The following NR6A1 variants were observed in gnomAD, a reference collection of about 807,000 sequenced individuals.
The protein encoded by NR6A1 is nuclear receptor subfamily 6 group A member 1.
Under a neutral mutation model 59.1 loss-of-function variants are expected in NR6A1, and 7 were observed. That is an observed-to-expected ratio of 0.12 (90% confidence interval 0.07 to 0.22). The LOEUF is 0.22. NR6A1 is among the 10% of genes least tolerant of loss of function. NR6A1 has a pLI of 1.00. For missense variants in NR6A1, 468 were observed against 611.6 expected, an observed-to-expected ratio of 0.77 and a Z score of 2.48; for synonymous variants, 243 against 236.1, an observed-to-expected ratio of 1.03 and a Z score of -0.27.
intron 2 of NR6A1, among the ~76,000 whole-genome samples, chr9:124,586,594 C>T (rs1053612180): frequency 2.0e-5 from 3 of 152,022 alleles, no homozygotes; most frequent in East Asian, 1.9e-4. Context: ...TACAGGCATG[C>T]GCCACCATGC....
chr9:124,540,307 TC>T, intron 4 of NR6A1, 120 bp from the exon 5 acceptor site: 1 of 1,083,468 alleles, frequency 9.2e-7, no homozygotes, highest in Non-Finnish European at 1.3e-6. Flanking sequence ...CTCTCCTCCA[TC>T]CCCATATTCC....
chr9:124,626,858 C>T (rs1162125941), intron 2 of NR6A1, among the ~76,000 whole-genome samples: 5 of 152,100 alleles, frequency 3.3e-5, no homozygotes, highest in African/African-American at 9.7e-5. Context: ...CGCTTGAACC[C>T]GGGAGGTGGA....
At chr9:124,632,451 C>A (rs1252093503) in intron 2 of NR6A1, among the ~76,000 whole-genome samples, 1 of 152,194 alleles carries the variant, frequency 6.6e-6, no homozygotes, top group Admixed American at 6.5e-5. Context: ...TGCTTCTTGG[C>A]CACATGTATG....
Position 124,540,192 on chromosome 9 carries a change from G to C in NR6A1, c.442-5C>G. 6.2e-7 allele frequency: 1 copy of C among 1,612,428 alleles called. No individual in the cohort carries two copies. On this transcript the variant is annotated splice_region_variant and splice_polypyrimidine_tract_variant and intron_variant, in intron 4 of 9. Transcript: ENST00000487099. ...TTCGATTTCTTCTTCCGATATCTTT[G>C]ACAAGGAATTGAGACATGTTAGATG... is the stretch of plus-strand genomic sequence containing the variant.
rs557268972 is a variant in NR6A1 at position 124,526,009 on chromosome 9, G to C, written c.1201+770C>G. ...ATGGTGTAAAAGCAGGAAGAGGTTT[G>C]GCCAATGTAGGGGTGAGTAGGCCAA... On this transcript the variant is annotated intron_variant, in intron 8 of 9. Coordinates refer to ENST00000487099, the MANE Select transcript of NR6A1 (RefSeq NM_033334.4). Among the ~76,000 whole-genome samples the C allele has an allele frequency of 2.0e-5, 3 of 152,308 alleles. No homozygotes were observed. The South Asian group carries it at 6.2e-4, about 32-fold the overall frequency.
chr9:124,619,827 C>T (rs186288030), intron 2 of NR6A1, among the ~76,000 whole-genome samples: 1,572 of 152,060 alleles, frequency 0.01, 26 homozygotes, highest in African/African-American at 0.036. Flanking sequence ...TTTGGGAGGC[C>T]GAGGCAGGTG....
chr9:124,660,910 A>G (rs1837414214), intron 2 of NR6A1, among the ~76,000 whole-genome samples: 1 of 152,192 alleles, frequency 6.6e-6, no homozygotes, highest in Admixed American at 6.5e-5. Flanking sequence ...CAGGAAAAAA[A>G]TACGCTTAGT....
At chr9:124,649,023 C>T (rs1244529285) in intron 2 of NR6A1, among the ~76,000 whole-genome samples, 1 of 151,892 alleles carries the variant, frequency 6.6e-6, no homozygotes, top group African/African-American at 2.4e-5. Context: ...TCCACACTAT[C>T]CAAAGAGATC....
At chr9:124,552,556 T>C (rs1433602297) in intron 3 of NR6A1, among the ~76,000 whole-genome samples, 2 of 152,186 alleles carry the variant, frequency 1.3e-5, no homozygotes, top group African/African-American at 2.4e-5. Flanking sequence ...ATGGTAGACA[T>C]GTGAAGCAGT....
chr9:124,759,744 T>C (rs1840735929), intron 1 of NR6A1, among the ~76,000 whole-genome samples: 1 of 152,172 alleles, frequency 6.6e-6, no homozygotes, highest in Non-Finnish European at 1.5e-5. Context: ...CAAAGGCTTA[T>C]TAAAACCAAC....
chr9:124,750,804 G>GA (rs958881287), intron 1 of NR6A1, among the ~76,000 whole-genome samples: 10 of 150,278 alleles, frequency 6.7e-5, no homozygotes, highest in Admixed American at 3.3e-4. Context: ...ACCAGTTAAG[G>GA]AAAAAAAAAG....
intron 1 of NR6A1, among the ~76,000 whole-genome samples, chr9:124,734,287 G>C (rs771111194): frequency 3.9e-5 from 6 of 152,182 alleles, no homozygotes; most frequent in African/African-American, 1.2e-4. Context: ...CCATGAGGGC[G>C]GGGATCCGAC....
intron 2 of NR6A1, among the ~76,000 whole-genome samples, chr9:124,583,586 T>C (rs1834834926): frequency 6.6e-6 from 1 of 152,306 alleles, no homozygotes; most frequent in East Asian, 1.9e-4. Context: ...GGGCATCCAC[T>C]CACAGATCAA....
chr9:124,593,677 T>C (rs1835192103), intron 2 of NR6A1, among the ~76,000 whole-genome samples: 1 of 152,212 alleles, frequency 6.6e-6, no homozygotes, highest in East Asian at 1.9e-4. Context: ...GCAATCTAAT[T>C]TTCACAGAGA....
intron 2 of NR6A1, among the ~76,000 whole-genome samples, chr9:124,605,281 GAAA>G (rs1835547468): frequency 6.6e-6 from 1 of 152,140 alleles, no homozygotes; most frequent in Non-Finnish European, 1.5e-5. Flanking sequence ...CTTAGAGGGG[GAAA>G]AAAGATGGAG....
intron 2 of NR6A1, among the ~76,000 whole-genome samples, chr9:124,683,901 G>A (rs1838247992): frequency 6.6e-6 from 1 of 152,194 alleles, no homozygotes; most frequent in African/African-American, 2.4e-5. Flanking sequence ...CTAAATGGCA[G>A]AACCAGGATT....
chr9:124,687,284 C>CTAAT lies in NR6A1; in HGVS notation c.142+46020_142+46023dup, dbSNP rs1428455082. 1.4e-3 allele frequency among the ~76,000 whole-genome samples: 184 copies of CTAAT among 136,032 alleles called. 2 individuals are homozygous for CTAAT. The highest frequency in any genetic ancestry group is 2.8e-3 in the African/African-American group (92 of 32,958). 89.2% of individuals were successfully genotyped at this position (136,032 alleles called of 152,430 possible). A position where few individuals can be genotyped will look rare whatever the true frequency, so the allele number is the denominator to read the frequency against. On this transcript the variant is annotated intron_variant, in intron 2 of 9. Coordinates refer to ENST00000487099, the MANE Select transcript of NR6A1 (RefSeq NM_033334.4). Reference sequence around the variant, plus strand: ...TACAGGCACATGCCACCACAGCCAGCTAATTAATTATTTATTTATTTATTT... The same window carrying CTAAT: ...TACAGGCACATGCCACCACAGCCAGCTAATTAATTAATTATTTATTTATTTATTT...
intron 3 of NR6A1, among the ~76,000 whole-genome samples, chr9:124,546,341 C>T (rs541072590): frequency 1.1e-4 from 16 of 152,346 alleles, no homozygotes; most frequent in African/African-American, 3.6e-4. Context: ...CCCACACTAT[C>T]AGACTGTAAG....
intron 2 of NR6A1, among the ~76,000 whole-genome samples, chr9:124,631,864 T>C (rs1315631643): frequency 1.3e-5 from 2 of 152,186 alleles, no homozygotes; most frequent in Non-Finnish European, 2.9e-5. Flanking sequence ...TTCCCCTCTA[T>C]GTGGCCGTGT....
Sources: gnomAD v4.1 joint callset for allele counts (sites outside exome capture counted in the v4.1 genomes callset) on GRCh38, gnomAD v4.1.1 for gene constraint, MANE v1.5 for transcripts, NCBI Gene and HGNC (gene_info 2026-07-23, HGNC 2026-07-21) for gene names.